Variants in ADH7 observed in about 807,000 individuals in gnomAD.
The protein encoded by ADH7 is alcohol dehydrogenase 7 (class IV), mu or sigma polypeptide.
A neutral mutation model predicts 34.4 loss-of-function variants in ADH7; 41 were observed. The ratio of observed to expected loss-of-function variants is 1.19; its 90% CI spans 0.93 to 1.55. ADH7 has a LOEUF of 1.55. Among genes scored for constraint, ADH7 ranks in the 40% most tolerant of loss-of-function variants. The pLI, the probability that ADH7 is intolerant of heterozygous loss-of-function variation, is 0.00. For synonymous variants in ADH7, 180 were observed against 160.9 expected, an observed-to-expected ratio of 1.12 and a Z score of -0.90; for missense variants, 540 against 461.2, an observed-to-expected ratio of 1.17 and a Z score of -1.56.
chr4:99,433,345 A>G (rs2110142107), intron 1 of ADH7, among the ~76,000 whole-genome samples: 1 of 152,322 alleles, frequency 6.6e-6, no homozygotes, highest in Non-Finnish European at 1.5e-5. Context: ...AAATAGGATA[A>G]AATATTTGTA....
rs762574774 is a variant in ADH7, at chr4:99,427,960, C to G, written c.377G>C (p.Gly126Ala). The G allele has an allele frequency of 6.2e-7, 1 of 1,613,930 alleles. No homozygotes were observed. Among genetic ancestry groups the G allele is most frequent in the Non-Finnish European group, 8.5e-7 (1 of 1,179,920 alleles). The change falls in exon 5 of 9, where the codon GGC (glycine) becomes GCC (alanine). Residue 126 changes from glycine (G) to alanine (A), a missense_variant. Physicochemically the swap from Gly to Ala is moderately conservative, Grantham distance 60 (BLOSUM62 0). Transcript: ENST00000437033. ...DITGRGVLAD[G>A]TTRFTCKGKP... Reference sequence around the variant, plus strand: ...GCCCTTGCATGTAAATCTGGTGGTGCCATCAGCCAGTACTCCACGACCAGT... The same window carrying G: ...GCCCTTGCATGTAAATCTGGTGGTGGCATCAGCCAGTACTCCACGACCAGT...
chr4:99,433,340 G>A (rs1721980858), intron 1 of ADH7, among the ~76,000 whole-genome samples: 1 of 152,090 alleles, frequency 6.6e-6, no homozygotes, highest in Admixed American at 6.6e-5. Flanking sequence ...TGGAAAAATA[G>A]GATAAAATAT....
At chr4:99,421,426 G>T (rs776040230) in intron 5 of ADH7, among the ~76,000 whole-genome samples, 3 of 152,180 alleles carry the variant, frequency 2.0e-5, no homozygotes, top group Non-Finnish European at 4.4e-5. Flanking sequence ...AATAAATGAT[G>T]CTAGGAAAAC....
chr4:99,428,561 C>G lies in ADH7; in HGVS notation c.190G>C (p.Val64Leu). 6.2e-7 allele frequency: 1 copy of G among 1,613,988 alleles called. No homozygotes were observed. The highest frequency in any genetic ancestry group is 8.5e-7 in the Non-Finnish European group (1 of 1,179,894). The change falls in exon 3 of 9, where the codon GTG becomes CTG. Residue 64 changes from valine (V) to leucine (L), a missense_variant. Transcript: ENST00000437033. The stretch of plus-strand genomic sequence containing the variant: ...CCAGTTGCCTCATGTCCCACAATCA[C>G]TGGAAACTTGGACACCATTGTTCCT... ...IKGTMVSKFP[V>L]IVGHEATGIV...
At chr4:99,423,457 A>T (rs950201756) in intron 5 of ADH7, among the ~76,000 whole-genome samples, 4 of 151,858 alleles carry the variant, frequency 2.6e-5, no homozygotes, top group African/African-American at 7.2e-5. Flanking sequence ...CGCCACACTG[A>T]CTTCCACAAT....
intron 1 of ADH7, among the ~76,000 whole-genome samples, chr4:99,431,038 T>G (rs1231263752): frequency 6.6e-6 from 1 of 152,174 alleles, no homozygotes; most frequent in African/African-American, 2.4e-5. Context: ...GACCTTGTTA[T>G]CTGCCCTCCT....
At chr4:99,433,507 G>A (rs1401861522) in intron 1 of ADH7, among the ~76,000 whole-genome samples, 1 of 152,040 alleles carries the variant, frequency 6.6e-6, no homozygotes, top group Non-Finnish European at 1.5e-5. Flanking sequence ...CATTGGTATG[G>A]GATGAATTGT....
At chr4:99,419,169 T>C in intron 6 of ADH7, 48 bp from the exon 7 acceptor site, 3 of 1,589,182 alleles carry the variant, frequency 1.9e-6, no homozygotes, top group Non-Finnish European at 2.6e-6. Context: ...TCTCTTACAG[T>C]GTGACATAAG....
intron 2 of ADH7, 112 bp downstream of exon 2, chr4:99,429,420 C>A: frequency 1.4e-6 from 1 of 707,206 alleles, no homozygotes; most frequent in East Asian, 2.7e-5. Flanking sequence ...GGAATTAATA[C>A]TCCAAACATG....
intron 5 of ADH7, among the ~76,000 whole-genome samples, chr4:99,426,715 C>T (rs1187136852): frequency 6.6e-6 from 1 of 152,146 alleles, no homozygotes; most frequent in Admixed American, 6.6e-5. Context: ...TTTTATGAGG[C>T]CAGCATCATC....
intron 5 of ADH7, among the ~76,000 whole-genome samples, chr4:99,426,411 A>G (rs1199367565): frequency 6.6e-6 from 1 of 152,242 alleles, no homozygotes; most frequent in Non-Finnish European, 1.5e-5. Context: ...ACAAACTACC[A>G]TCAGAGAATA....
At chr4:99,418,933 A>G in intron 7 of ADH7, 53 bp downstream of exon 7, 1 of 1,596,886 alleles carries the variant, frequency 6.3e-7, no homozygotes, top group Non-Finnish European at 8.5e-7. Flanking sequence ...CCCACTTGCC[A>G]AGCACCAGAG....
chr4:99,413,051 G>A lies in ADH7; in HGVS notation c.*97C>T. ...TTCAACAAATCTTCTACTTATGCTT[G>A]TATTTGTGAGACAGATACATGATTT... On this transcript the variant is annotated 3_prime_UTR_variant, in exon 9 of 9. Coordinates refer to ENST00000437033, the MANE Select transcript of ADH7 (RefSeq NM_000673.7). 1 of 1,260,260 alleles carries A rather than the reference G, an allele frequency of 7.9e-7. No individual in the cohort carries two copies. Among genetic ancestry groups the A allele is most frequent in the Non-Finnish European group, 1.2e-6 (1 of 869,198 alleles). 78.1% of individuals were successfully genotyped at this position (1,260,260 alleles called of 1,614,324 possible).
intron 1 of ADH7, among the ~76,000 whole-genome samples, chr4:99,434,394 C>T (rs1197716232): frequency 6.6e-6 from 1 of 152,134 alleles, no homozygotes; most frequent in Non-Finnish European, 1.5e-5. Flanking sequence ...ATTCTAACAT[C>T]ATAGAGTCTC....
At chr4:99,430,341 T>C (rs1345190641) in intron 1 of ADH7, 4 of 152,262 alleles carry the variant, frequency 2.6e-5, no homozygotes, top group Non-Finnish European at 5.9e-5. Context: ...GTGACTGGCA[T>C]CCAGTTGTTC....
intron 5 of ADH7, among the ~76,000 whole-genome samples, 187 bp downstream of exon 5, chr4:99,427,586 A>G (rs543115919): frequency 6.6e-6 from 1 of 152,188 alleles, no homozygotes; most frequent in African/African-American, 2.4e-5. Context: ...AAAAAGAAGA[A>G]ATAAAATTTC....
At chr4:99,432,265 GA>G (rs1721952660) in intron 1 of ADH7, among the ~76,000 whole-genome samples, 1 of 152,078 alleles carries the variant, frequency 6.6e-6, no homozygotes, top group Non-Finnish European at 1.5e-5. Context: ...GCTAAATATT[GA>G]GTACCTATGG....
intron 6 of ADH7, 88 bp from the exon 7 acceptor site, chr4:99,419,209 G>T: frequency 7.1e-7 from 1 of 1,404,496 alleles, no homozygotes; most frequent in Non-Finnish European, 9.4e-7. Flanking sequence ...CTATGACAAA[G>T]TCATGAAATT....
rs1154455 is a variant in ADH7 at position 99,417,500 on chromosome 4, A to G, written c.961+1486T>C. ...CCTTCCTTGAACTTTATAAAATAGC[A>G]TTCACCTCCACCTCCACCCCAGTCC... On this transcript the variant is annotated intron_variant, in intron 7 of 8. Transcript: ENST00000437033. Among the ~76,000 whole-genome samples the G allele has an allele frequency of 2.6e-5, 4 of 151,972 alleles. No homozygotes were observed. In the East Asian group the frequency reaches 7.8e-4, roughly 29 times the overall value.
Sources: gnomAD v4.1 joint callset for allele counts (sites outside exome capture counted in the v4.1 genomes callset) on GRCh38, gnomAD v4.1.1 for gene constraint, MANE v1.5 for transcripts, NCBI Gene and HGNC (gene_info 2026-07-23, HGNC 2026-07-21) for gene names.